The following CNTN5 variants were observed in gnomAD, a reference collection of about 807,000 sequenced individuals.
CNTN5 encodes contactin-5.
A neutral mutation model predicts 129.1 loss-of-function variants in CNTN5; 77 were observed. The observed-to-expected ratio is 0.60, with a 90% CI of 0.50 to 0.72. The LOEUF is 0.72. Ranked by LOEUF, CNTN5 falls within the 30% of genes least tolerant of loss-of-function variation. The pLI is 0.00. For missense variants in CNTN5, 1,478 were observed against 1,328.8 expected, an observed-to-expected ratio of 1.11 and a Z score of -1.75; for synonymous variants, 509 against 465.6, an observed-to-expected ratio of 1.09 and a Z score of -1.20.
At chr11:100,218,248 A>G (rs1488695817) in intron 15 of CNTN5, among the ~76,000 whole-genome samples, 1 of 152,252 alleles carries the variant, frequency 6.6e-6, no homozygotes, top group Non-Finnish European at 1.5e-5. Context: ...AGTTTCTAAC[A>G]CAAGCCTTAA....
chr11:99,600,588 T>C (rs1196685708), intron 3 of CNTN5, among the ~76,000 whole-genome samples: 5 of 152,062 alleles, frequency 3.3e-5, no homozygotes, highest in Non-Finnish European at 5.9e-5. Flanking sequence ...CTAGGATAAG[T>C]GTTGGACTCC....
At chr11:99,497,389 C>T (rs1946265546) in intron 2 of CNTN5, among the ~76,000 whole-genome samples, 1 of 114,362 alleles carries the variant, frequency 8.7e-6, no homozygotes, top group South Asian at 2.9e-4. Context: ...TAAGTTCTGG[C>T]TGTTAAGAAG....
intron 7 of CNTN5, among the ~76,000 whole-genome samples, chr11:99,930,903 T>C (rs1251726264): frequency 6.6e-6 from 1 of 151,978 alleles, no homozygotes; most frequent in Non-Finnish European, 1.5e-5. Flanking sequence ...ACATAGACAA[T>C]ACAAGGATAT....
At chr11:99,124,226 A>G (rs1858503552) in intron 1 of CNTN5, among the ~76,000 whole-genome samples, 1 of 151,902 alleles carries the variant, frequency 6.6e-6, no homozygotes, top group African/African-American at 2.4e-5. Context: ...TAAAATTCTC[A>G]TTGTGGAGAG....
chr11:99,864,024 A>G (rs189442533), intron 6 of CNTN5, among the ~76,000 whole-genome samples: 10 of 152,296 alleles, frequency 6.6e-5, no homozygotes, highest in South Asian at 2.1e-4. Context: ...TGTGAGTCTA[A>G]TGCTTGATCC....
At chr11:100,039,547 A>G (rs1191854985) in intron 9 of CNTN5, among the ~76,000 whole-genome samples, 2 of 152,200 alleles carry the variant, frequency 1.3e-5, no homozygotes, top group Non-Finnish European at 2.9e-5. Flanking sequence ...TCTCCTGGGT[A>G]GTATCCTGCA....
At position 100,060,474 on chromosome 11, in the gene CNTN5, T is replaced by C. The variant is rs1244202472; in HGVS notation, c.981-738T>C. Among the ~76,000 whole-genome samples the C allele has an allele frequency of 3.3e-5, 5 of 152,212 alleles. No individual in the cohort carries two copies. In the South Asian group the frequency reaches 6.2e-4, roughly 19 times the overall value. Reference sequence around the variant, plus strand: ...GAAGTGGGAGATTATGTGTAAACTGTATTTGCTATTTGGCCAGAAAATAAG... The same window carrying C: ...GAAGTGGGAGATTATGTGTAAACTGCATTTGCTATTTGGCCAGAAAATAAG... On this transcript the variant is annotated intron_variant, in intron 9 of 24. Transcript: ENST00000524871.
chr11:99,790,520 G>C (rs567862066), intron 3 of CNTN5, among the ~76,000 whole-genome samples: 3 of 152,008 alleles, frequency 2.0e-5, no homozygotes, highest in African/African-American at 7.2e-5. Flanking sequence ...TTTTATTGCA[G>C]CTTAGTGTTC....
chr11:99,347,658 A>T (rs1591553085), intron 2 of CNTN5, among the ~76,000 whole-genome samples: 2 of 152,168 alleles, frequency 1.3e-5, no homozygotes, highest in Admixed American at 1.3e-4. Context: ...TATGTGTAAC[A>T]AGGGTGCACA....
intron 3 of CNTN5, among the ~76,000 whole-genome samples, chr11:99,628,207 T>C (rs936072131): frequency 2.0e-5 from 3 of 151,154 alleles, no homozygotes; most frequent in African/African-American, 7.3e-5. Context: ...ACTCACAATG[T>C]AACTAGGAAA....
intron 9 of CNTN5, among the ~76,000 whole-genome samples, chr11:100,022,429 C>T (rs566537002): frequency 6.6e-6 from 1 of 151,926 alleles, no homozygotes. Context: ...TTTATTCTAC[C>T]TTCTTTTGTG....
At chr11:99,393,693 T>C (rs968550332) in intron 2 of CNTN5, among the ~76,000 whole-genome samples, 7 of 151,822 alleles carry the variant, frequency 4.6e-5, no homozygotes, top group African/African-American at 1.4e-4. Flanking sequence ...TCTTATTTGT[T>C]CCTTAAATAT....
intron 3 of CNTN5, among the ~76,000 whole-genome samples, chr11:99,693,143 G>T (rs1477692993): frequency 6.6e-6 from 1 of 152,130 alleles, no homozygotes; most frequent in Non-Finnish European, 1.5e-5. Flanking sequence ...AGCTATTTTT[G>T]AAAGTAATGT....
chr11:99,199,498 A>T (rs1465340614), intron 1 of CNTN5, among the ~76,000 whole-genome samples: 9 of 152,202 alleles, frequency 5.9e-5, no homozygotes, highest in Non-Finnish European at 1.0e-4. Context: ...TCTCATGCTC[A>T]CCGTCCTGTG....
At chr11:99,374,517 A>G (rs1344744119) in intron 2 of CNTN5, among the ~76,000 whole-genome samples, 3 of 152,032 alleles carry the variant, frequency 2.0e-5, no homozygotes, top group Non-Finnish European at 1.5e-5. Flanking sequence ...CCCCGTCTCT[A>G]CAAAAATACA....
intron 2 of CNTN5, among the ~76,000 whole-genome samples, chr11:99,433,379 GTGTGTGTGTGTGTGTGTGTGTGTCTT>G (rs1391377361): frequency 2.3e-5 from 2 of 86,530 alleles, no homozygotes; most frequent in African/African-American, 4.1e-5. Flanking sequence ...AAATGTGTGT[GTGTGTGTGTGTGTGTGTGTGTGTCTT>G]TGTGTGTGTG....
At chr11:99,143,026 T>C (rs1349344810) in intron 1 of CNTN5, among the ~76,000 whole-genome samples, 1 of 152,122 alleles carries the variant, frequency 6.6e-6, no homozygotes. Flanking sequence ...TCAACGCCTT[T>C]CTTCCTAAGA....
intron 1 of CNTN5, among the ~76,000 whole-genome samples, chr11:99,099,005 C>G (rs1204506550): frequency 6.6e-6 from 1 of 152,092 alleles, no homozygotes; most frequent in Non-Finnish European, 1.5e-5. Flanking sequence ...CAGTACTGGT[C>G]TAAGTTGTGC....
chr11:99,078,611 A>C (rs998516556), intron 1 of CNTN5, among the ~76,000 whole-genome samples: 5 of 152,240 alleles, frequency 3.3e-5, no homozygotes, highest in African/African-American at 1.2e-4. Flanking sequence ...ATTCAGTCAC[A>C]AAAAGGTTAA....
Sources: gnomAD v4.1 joint callset for allele counts (sites outside exome capture counted in the v4.1 genomes callset) on GRCh38, gnomAD v4.1.1 for gene constraint, MANE v1.5 for transcripts, NCBI Gene and HGNC (gene_info 2026-07-23, HGNC 2026-07-21) for gene names.